The following PPP2R2B variants were observed in gnomAD, a reference collection of about 807,000 sequenced individuals.
PPP2R2B encodes the protein serine/threonine-protein phosphatase 2A 55 kDa regulatory subunit B beta isoform.
PPP2R2B carries 5 observed loss-of-function variants against 46.0 expected under a neutral mutation model. The observed-to-expected ratio is 0.11, with a 90% CI of 0.06 to 0.23. PPP2R2B has a LOEUF of 0.23. Among genes scored for constraint, PPP2R2B ranks in the 10% least tolerant of loss-of-function variants. The pLI, the probability that PPP2R2B is intolerant of heterozygous loss-of-function variation, is 1.00. For missense variants in PPP2R2B, 367 were observed against 575.0 expected (o/e 0.64, Z 3.70); for synonymous variants, 215 against 206.7 (o/e 1.04, Z -0.34).
At chr5:146,977,213 G>A (rs1006371650) in intron 1 of PPP2R2B, among the ~76,000 whole-genome samples, 2 of 151,992 alleles carry the variant, frequency 1.3e-5, no homozygotes, top group Non-Finnish European at 2.9e-5. Flanking sequence ...TATTGTAATA[G>A]CCTTTACTTT....
At chr5:146,866,739 C>A (rs1038280300) in intron 2 of PPP2R2B, among the ~76,000 whole-genome samples, 1 of 152,048 alleles carries the variant, frequency 6.6e-6, no homozygotes, top group African/African-American at 2.4e-5. Flanking sequence ...AGAGTACATC[C>A]AGAATACTTA....
At position 146,927,081 on chromosome 5, in the gene PPP2R2B, T is replaced by G. The variant is rs1457052483; in HGVS notation, c.79+128584A>C. 2.0e-5 allele frequency among the ~76,000 whole-genome samples: 3 copies of G among 152,186 alleles called. No individual in the cohort carries two copies. The East Asian group carries it at 5.8e-4, about 29-fold the overall frequency. On this transcript the variant is annotated intron_variant, in intron 1 of 8. Transcript: ENST00000336640. ...AACCTATAGGCTGGGTTGAGGTGGA[T>G]GAGAGGAGCCCTAGGTCAGAACATC... is the stretch of plus-strand genomic sequence containing the variant.
At chr5:146,935,776 C>T (rs571956945) in intron 1 of PPP2R2B, among the ~76,000 whole-genome samples, 1 of 152,174 alleles carries the variant, frequency 6.6e-6, no homozygotes, top group East Asian at 1.9e-4. Flanking sequence ...TAGTAGAAAA[C>T]ATGGCTAGAG....
chr5:146,735,368 AACAG>A (rs1181084519), intron 2 of PPP2R2B, among the ~76,000 whole-genome samples: 2 of 151,684 alleles, frequency 1.3e-5, no homozygotes, highest in Admixed American at 6.6e-5. Context: ...ACCCCTTGCA[AACAG>A]ACAGAGAACC....
chr5:146,985,070 G>C (rs1753362955), intron 1 of PPP2R2B, among the ~76,000 whole-genome samples: 1 of 146,078 alleles, frequency 6.8e-6, no homozygotes, highest in South Asian at 2.2e-4. Context: ...AACCAGGCTG[G>C]AGTGCAGTGG....
At chr5:146,840,074 A>G (rs1476868544) in intron 2 of PPP2R2B, among the ~76,000 whole-genome samples, 1 of 152,242 alleles carries the variant, frequency 6.6e-6, no homozygotes, top group East Asian at 1.9e-4. Flanking sequence ...GCAGAGAGCT[A>G]AAATGAAAAG....
intron 5 of PPP2R2B, among the ~76,000 whole-genome samples, chr5:146,681,305 A>AAATAAAAG (rs1198611094): frequency 2.0e-5 from 3 of 152,228 alleles, no homozygotes; most frequent in Admixed American, 6.5e-5. Flanking sequence ...GTTGAAAAAT[A>AAATAAAAG]AATAAAAGTC....
chr5:146,958,996 G>A lies in PPP2R2B; in HGVS notation c.79+96669C>T, dbSNP rs1007180601. 2.6e-5 allele frequency among the ~76,000 whole-genome samples: 4 copies of A among 152,126 alleles called. No homozygotes were observed. The South Asian group carries it at 6.2e-4, about 24-fold the overall frequency. The stretch of plus-strand genomic sequence containing the variant: ...TCAAACAATTCAAAAAAGCTGTTGA[G>A]ATCTTGTTTATTTCACATTTGGTTC... On this transcript the variant is annotated intron_variant, in intron 1 of 8. Coordinates refer to the PPP2R2B transcript ENST00000336640.
At chr5:146,761,572 C>A (rs1754167707) in intron 2 of PPP2R2B, among the ~76,000 whole-genome samples, 1 of 151,464 alleles carries the variant, frequency 6.6e-6, no homozygotes, top group Non-Finnish European at 1.5e-5. Flanking sequence ...ACATATGTAA[C>A]AAACCTGCAC....
intron 2 of PPP2R2B, among the ~76,000 whole-genome samples, chr5:146,803,104 A>C (rs1392119771): frequency 1.3e-5 from 2 of 152,194 alleles, no homozygotes; most frequent in Admixed American, 1.3e-4. Context: ...TCTCTCCAAA[A>C]CATGTTTATT....
chr5:146,651,096 G>A (rs1581793675), intron 5 of PPP2R2B, among the ~76,000 whole-genome samples: 2 of 152,106 alleles, frequency 1.3e-5, no homozygotes, highest in South Asian at 2.1e-4. Context: ...AAAGGGAGTT[G>A]TGGGAAAATT....
intron 1 of PPP2R2B, among the ~76,000 whole-genome samples, chr5:147,052,101 C>G (rs1756855155): frequency 6.6e-6 from 1 of 151,876 alleles, no homozygotes. Context: ...TGGATCTGCA[C>G]TATTTGGTTG....
intron 2 of PPP2R2B, among the ~76,000 whole-genome samples, chr5:146,708,153 C>T (rs549488334): frequency 2.0e-5 from 3 of 151,916 alleles, no homozygotes; most frequent in African/African-American, 7.2e-5. Flanking sequence ...CTCAGGAGTT[C>T]GAGACCAGGC....
chr5:147,079,559 T>C (rs991907761), intron 2 of PPP2R2B, among the ~76,000 whole-genome samples: 2 of 151,082 alleles, frequency 1.3e-5, no homozygotes, highest in Admixed American at 1.3e-4. Context: ...ATTATTAACA[T>C]AGTTCACTTA....
At position 146,585,181 on chromosome 5, in the gene PPP2R2B, C is replaced by T. The variant is rs1770081519; in HGVS notation, c.*4766G>A. 6.6e-6 allele frequency: 1 copy of T among 151,046 alleles called. No homozygotes were observed. The highest frequency in any genetic ancestry group is 6.6e-5 in the Admixed American group (1 of 15,114). 9.4% of individuals were successfully genotyped at this position (151,046 alleles called of 1,614,324 possible). ...GGCTGCCTGACACATCCCAGGCAAC[C>T]AATGAATCTTTAATTCATTGAGCTT... On this transcript the variant is annotated 3_prime_UTR_variant, in exon 10 of 10. Coordinates refer to ENST00000394411, the MANE Select transcript of PPP2R2B (RefSeq NM_181675.4).
intron 5 of PPP2R2B, among the ~76,000 whole-genome samples, chr5:146,671,925 T>C (rs1452854473): frequency 6.6e-6 from 1 of 152,086 alleles, no homozygotes; most frequent in Non-Finnish European, 1.5e-5. Context: ...CAGATGGGGA[T>C]GGTTGGACTA....
chr5:146,809,001 G>A (rs944294841), intron 2 of PPP2R2B, among the ~76,000 whole-genome samples: 15 of 151,414 alleles, frequency 9.9e-5, no homozygotes, highest in East Asian at 1.9e-4. Flanking sequence ...GTGTGCGCGC[G>A]CACCCACTTC....
At chr5:146,642,035 C>T (rs192086230) in intron 6 of PPP2R2B, among the ~76,000 whole-genome samples, 5 of 152,294 alleles carry the variant, frequency 3.3e-5, no homozygotes, top group South Asian at 2.1e-4. Context: ...TGACTGCTTA[C>T]GGCATTTCTT....
At chr5:146,989,566 T>C (rs750170532) in intron 1 of PPP2R2B, among the ~76,000 whole-genome samples, 2 of 151,988 alleles carry the variant, frequency 1.3e-5, no homozygotes, top group Non-Finnish European at 2.9e-5. Flanking sequence ...TGATAAGAAC[T>C]TTTGACAAAC....
Sources: allele counts gnomAD v4.1 joint callset (sites outside exome capture counted in the v4.1 genomes callset), GRCh38; gene constraint gnomAD v4.1.1; transcripts MANE v1.5; gene names NCBI Gene and HGNC (gene_info 2026-07-23, HGNC 2026-07-21).